FREM2: variants seen among roughly 807,000 people sequenced by gnomAD.
FREM2 encodes the protein FRAS1-related extracellular matrix protein 2.
In FREM2, 119 loss-of-function variants were observed where a neutral mutation model predicts 219.9. The ratio of observed to expected loss-of-function variants is 0.54; its 90% CI spans 0.47 to 0.63. The LOEUF (loss-of-function observed/expected upper bound fraction) is 0.63. FREM2 is among the 30% of genes least tolerant of loss of function. FREM2 has a pLI of 0.00. For missense variants in FREM2, 4,030 were observed against 3,993.6 expected (o/e 1.01, Z -0.25); for synonymous variants, 1,562 against 1,522.8 (o/e 1.03, Z -0.60).
chr13:38,873,320 G>GA (rs201616141), intron 17 of FREM2, among the ~76,000 whole-genome samples: 1 of 151,968 alleles, frequency 6.6e-6, no homozygotes, highest in African/African-American at 2.4e-5. Context: ...TTTTATTTCT[G>GA]AAAAAAAGAG....
chr13:38,882,634 C>T lies in FREM2; in HGVS notation c.*1847C>T, dbSNP rs1878587890. The T allele has an allele frequency of 6.6e-6, 1 of 152,134 alleles. No homozygotes were observed. The highest frequency in any genetic ancestry group is 2.1e-4 in the South Asian group (1 of 4,818). The allele number at this position is 152,134 out of a possible 1,614,324, so 9.4% of individuals were successfully genotyped here. ...TATATGAACAGAAAGTACTGTGTAG[C>T]CCAGGAGTTTATTTAGCAAGATAAA... On this transcript the variant is annotated 3_prime_UTR_variant, in exon 24 of 24. Transcript: ENST00000280481.
chr13:38,770,755 T>C (rs1423362938), intron 4 of FREM2, among the ~76,000 whole-genome samples: 1 of 151,228 alleles, frequency 6.6e-6, no homozygotes, highest in East Asian at 2.0e-4. Context: ...CCTTGGCTGA[T>C]GCTGGTAAAA....
At chr13:38,821,176 T>C (rs1183231939) in intron 6 of FREM2, among the ~76,000 whole-genome samples, 2 of 152,172 alleles carry the variant, frequency 1.3e-5, no homozygotes, top group Admixed American at 6.6e-5. Context: ...ATAGGTGTTA[T>C]GTTTTCCTTG....
intron 13 of FREM2, among the ~76,000 whole-genome samples, chr13:38,858,528 A>G (rs1196434761): frequency 6.6e-6 from 1 of 152,178 alleles, no homozygotes; most frequent in Non-Finnish European, 1.5e-5. Flanking sequence ...CTACAGCTAG[A>G]AAAAAATAGC....
At chr13:38,825,979 A>C (rs905006651) in intron 6 of FREM2, among the ~76,000 whole-genome samples, 4 of 152,182 alleles carry the variant, frequency 2.6e-5, no homozygotes, top group Non-Finnish European at 4.4e-5. Flanking sequence ...CTGATATAAG[A>C]AGTCATATAA....
intron 2 of FREM2, among the ~76,000 whole-genome samples, chr13:38,721,915 G>C (rs1201362336): frequency 6.6e-6 from 1 of 152,112 alleles, no homozygotes; most frequent in Non-Finnish European, 1.5e-5. Context: ...GAGAGAATAA[G>C]TTATCAGCTC....
intron 6 of FREM2, among the ~76,000 whole-genome samples, chr13:38,803,415 C>T (rs1020393624): frequency 3.9e-5 from 6 of 152,010 alleles, no homozygotes; most frequent in Non-Finnish European, 7.4e-5. Flanking sequence ...CTTTAAGACA[C>T]GGCTAAAATT....
At chr13:38,817,259 C>T (rs1408716643) in intron 6 of FREM2, among the ~76,000 whole-genome samples, 1 of 152,036 alleles carries the variant, frequency 6.6e-6, no homozygotes, top group South Asian at 2.1e-4. Context: ...CCAAAGCAAT[C>T]CTGTGCAAAA....
chr13:38,858,101 T>A, intron 13 of FREM2, 68 bp downstream of exon 13: 1 of 1,315,766 alleles, frequency 7.6e-7, no homozygotes, highest in Non-Finnish European at 1.1e-6. Context: ...ATAATCAATA[T>A]AGCATTGGCT....
intron 6 of FREM2, among the ~76,000 whole-genome samples, chr13:38,845,585 T>G (rs929423992): frequency 2.6e-5 from 4 of 152,238 alleles, no homozygotes; most frequent in Admixed American, 2.0e-4. Flanking sequence ...TAATTTATCT[T>G]TCTTAATAAT....
chr13:38,769,990 G>C (rs533740313), intron 4 of FREM2, among the ~76,000 whole-genome samples, 182 bp downstream of exon 4: 13 of 149,910 alleles, frequency 8.7e-5, no homozygotes, highest in Non-Finnish European at 1.3e-4. Context: ...AAAAAGTAAC[G>C]AAAGAATGCT....
At chr13:38,842,580 G>A (rs1877003264) in intron 6 of FREM2, among the ~76,000 whole-genome samples, 2 of 152,168 alleles carry the variant, frequency 1.3e-5, no homozygotes, top group African/African-American at 2.4e-5. Flanking sequence ...CAGCATTAAA[G>A]CTTTTACTTC....
In FREM2 at chr13:38,691,253, G is replaced by A. The variant is rs748754707; in HGVS notation, c.3909G>A (p.Thr1303=). 1.9e-5 allele frequency: 31 copies of A among 1,613,354 alleles called. No individual in the cohort carries two copies. The highest frequency in any genetic ancestry group is 5.0e-5 in the Admixed American group (3 of 60,004). The change falls in exon 1 of 24, where the codon ACG becomes ACA. Residue 1303 remains threonine, a synonymous_variant. Coordinates refer to ENST00000280481, the MANE Select transcript of FREM2 (RefSeq NM_207361.6). The part of the protein sequence containing the change: ...LIIVIPVDDE[T]PRMTINNGLE... ...TAGTTATCCCTGTTGATGATGAGAC[G>A]CCCAGAATGACTATCAATAATGGAC...
Position 38,725,723 on chromosome 13 carries a change from G to A in FREM2, c.5263+27936G>A, listed in dbSNP as rs141922640. ...TTTCTCTTCCACTTAAAGTTTTCAA[G>A]CAAGGGAAGGATATAATCTAATGTA... On this transcript the variant is annotated intron_variant, in intron 2 of 23. Transcript: ENST00000280481. Among the ~76,000 whole-genome samples, 542 of 152,326 alleles carry A rather than the reference G, an allele frequency of 3.6e-3. 2 individuals are homozygous for A. Among genetic ancestry groups the A allele is most frequent in the African/African-American group, 0.012 (514 of 41,578 alleles).
At chr13:38,810,843 C>G (rs1183102446) in intron 6 of FREM2, among the ~76,000 whole-genome samples, 1 of 151,856 alleles carries the variant, frequency 6.6e-6, no homozygotes, top group African/African-American at 2.4e-5. Flanking sequence ...TGAAAGTATT[C>G]CCTCTTCCCC....
chr13:38,728,965 A>G (rs1232745201), intron 2 of FREM2, among the ~76,000 whole-genome samples: 1 of 152,152 alleles, frequency 6.6e-6, no homozygotes, highest in African/African-American at 2.4e-5. Context: ...CCTCCCAAGT[A>G]GCTGGGATTA....
At position 38,688,967 on chromosome 13, in the gene FREM2, C is replaced by T; in HGVS notation, c.1623C>T (p.Gly541=). 6.2e-7 allele frequency: 1 copy of T among 1,613,398 alleles called. No homozygotes were observed. The highest frequency in any genetic ancestry group is 1.7e-4 in the Middle Eastern group (1 of 6,026). Residue 541 remains glycine, a synonymous_variant, in exon 1 of 24, where the codon GGC becomes GGT. Coordinates refer to ENST00000280481, the MANE Select transcript of FREM2 (RefSeq NM_207361.6). The stretch of plus-strand genomic sequence containing the variant: ...TGCTTCGCATGGTGGATGGAGGAGG[C>T]AGGCACCAGGTACAGTTTCTGTTCC... ...NLVLRMVDGG[G]RHQVQFLFPI... is the part of the protein sequence containing the mutation.
At chr13:38,724,812 A>C (rs1189073147) in intron 2 of FREM2, among the ~76,000 whole-genome samples, 3 of 152,152 alleles carry the variant, frequency 2.0e-5, no homozygotes, top group African/African-American at 7.2e-5. Context: ...AGTCAAGTCC[A>C]GTGGGAAGAG....
Position 38,692,148 on chromosome 13 carries a change from A to C in FREM2, c.4804A>C (p.Ile1602Leu). 1 of 1,614,240 alleles carries C rather than the reference A, an allele frequency of 6.2e-7. No homozygotes were observed. Among genetic ancestry groups the C allele is most frequent in the Non-Finnish European group, 8.5e-7 (1 of 1,180,042 alleles). ...FTKQDLNENL[I>L]SYKHDGTESS... ...CAAGCAAGACTTGAATGAAAACTTA[A>C]TCAGCTACAAACATGATGGCACTGA... Residue 1602 changes from isoleucine (I) to leucine (L), a missense_variant, in exon 1 of 24, where the codon ATC (isoleucine) becomes CTC (leucine). Physicochemically the swap from Ile to Leu is conservative, Grantham distance 5. Around this residue, in one of 2 missense-constraint regions of FREM2, gnomAD observed 3,102 missense variants for 2,950.7 expected, o/e 1.05. Coordinates refer to ENST00000280481, the MANE Select transcript of FREM2 (RefSeq NM_207361.6).
Sources: allele counts gnomAD v4.1 joint callset (sites outside exome capture counted in the v4.1 genomes callset), GRCh38; gene constraint gnomAD v4.1.1; regional missense constraint gnomAD v4.1.1; transcripts MANE v1.5; gene names NCBI Gene and HGNC (gene_info 2026-07-23, HGNC 2026-07-21).